GMDS: variants seen among roughly 807,000 people sequenced by gnomAD.
GMDS encodes GDP-mannose 4,6-dehydratase.
A neutral mutation model predicts 49.9 loss-of-function variants in GMDS; 20 were observed. The observed-to-expected ratio is 0.40, with a 90% CI of 0.28 to 0.58. The LOEUF is 0.58. GMDS is among the 20% of genes least tolerant of loss of function. The probability of loss-of-function intolerance (pLI) is 0.42; values close to 1 mark genes in which losing one functional copy is unlikely to be tolerated. For missense variants in GMDS, 362 were observed against 481.4 expected (o/e 0.75, Z 2.32); for synonymous variants, 177 against 178.6 (o/e 0.99, Z 0.07).
chr6:2,213,209 G>A (rs1780154165), intron 1 of GMDS, among the ~76,000 whole-genome samples: 1 of 152,178 alleles, frequency 6.6e-6, no homozygotes, highest in South Asian at 2.1e-4. Context: ...TTTTTAGACT[G>A]TCCTGACTCA....
At chr6:1,789,122 T>A (rs1433325576) in intron 7 of GMDS, among the ~76,000 whole-genome samples, 3 of 152,228 alleles carry the variant, frequency 2.0e-5, no homozygotes, top group Non-Finnish European at 4.4e-5. Context: ...ACCAGCCAAA[T>A]GAAGGGACAG....
chr6:1,951,498 G>A (rs948232887), intron 6 of GMDS, among the ~76,000 whole-genome samples: 16 of 152,098 alleles, frequency 1.1e-4, no homozygotes, highest in African/African-American at 1.4e-4. Context: ...AATCTCACAC[G>A]GTTAATTATG....
chr6:2,036,196 C>T (rs1407774451), intron 4 of GMDS, among the ~76,000 whole-genome samples: 2 of 152,080 alleles, frequency 1.3e-5, no homozygotes, highest in African/African-American at 2.4e-5. Flanking sequence ...TGAAGGAAAT[C>T]GGGAGACTTA....
chr6:1,861,795 C>T (rs1327597459), intron 7 of GMDS, among the ~76,000 whole-genome samples: 2 of 152,104 alleles, frequency 1.3e-5, no homozygotes, highest in Non-Finnish European at 2.9e-5. Flanking sequence ...CTTTAGTCCC[C>T]AGTCACAGGT....
intron 8 of GMDS, among the ~76,000 whole-genome samples, chr6:1,737,642 TACATAC>T (rs1767057967): frequency 8.5e-6 from 1 of 117,368 alleles, no homozygotes; most frequent in Non-Finnish European, 1.7e-5. Context: ...CACGCACACA[TACATAC>T]ACATACACAC....
At chr6:1,717,586 G>C (rs957424466) in intron 9 of GMDS, 2 of 152,128 alleles carry the variant, frequency 1.3e-5, no homozygotes, top group African/African-American at 4.8e-5. Context: ...CTACCCCTGG[G>C]TCAAGAAGCA....
intron 7 of GMDS, among the ~76,000 whole-genome samples, chr6:1,910,407 C>G (rs1477254411): frequency 2.0e-5 from 3 of 151,882 alleles, no homozygotes; most frequent in Non-Finnish European, 4.4e-5. Flanking sequence ...ATCTGTGTCA[C>G]AGAACACTAC....
chr6:2,136,492 C>A (rs1581698437), intron 1 of GMDS, among the ~76,000 whole-genome samples: 1 of 152,220 alleles, frequency 6.6e-6, no homozygotes, highest in South Asian at 2.1e-4. Context: ...CAAACCAAAG[C>A]CAAAGTATGG....
intron 4 of GMDS, among the ~76,000 whole-genome samples, chr6:2,023,576 A>G (rs1438699445): frequency 6.6e-6 from 1 of 152,228 alleles, no homozygotes; most frequent in African/African-American, 2.4e-5. Context: ...CACAGAATAC[A>G]AAAGACTCTC....
chr6:1,895,286 T>C (rs779635339), intron 7 of GMDS, among the ~76,000 whole-genome samples: 1 of 152,210 alleles, frequency 6.6e-6, no homozygotes, highest in Non-Finnish European at 1.5e-5. Context: ...CTTGGAAAGA[T>C]GAACCGTTTC....
intron 7 of GMDS, among the ~76,000 whole-genome samples, chr6:1,767,388 G>A (rs1474011927): frequency 2.0e-5 from 3 of 152,140 alleles, no homozygotes; most frequent in Admixed American, 6.5e-5. Context: ...TAAATTTTGG[G>A]TTAAAAGGAA....
chr6:1,800,519 C>T (rs899170885), intron 7 of GMDS, among the ~76,000 whole-genome samples: 6 of 152,140 alleles, frequency 3.9e-5, no homozygotes, highest in African/African-American at 1.4e-4. Flanking sequence ...TCACTGCAAC[C>T]TCCGCCTCCT....
chr6:1,792,154 T>C (rs1200411228), intron 7 of GMDS, among the ~76,000 whole-genome samples: 1 of 152,202 alleles, frequency 6.6e-6, no homozygotes, highest in Non-Finnish European at 1.5e-5. Flanking sequence ...TCTATATAAA[T>C]ATTATTTTCT....
rs1762770435 is a variant in GMDS, at chr6:1,624,094, A to AT, written c.*74dup. The stretch of plus-strand genomic sequence containing the variant: ...CCCGCAGATTGGCACGCCGCTCCCC[A>AT]TCCCCGCAGCGCGTCTGCACCGGAG... On this transcript the variant is annotated 3_prime_UTR_variant, in exon 11 of 11. Coordinates refer to ENST00000380815, the MANE Select transcript of GMDS (RefSeq NM_001500.4). 7.4e-7 allele frequency: 1 copy of AT among 1,357,944 alleles called. No homozygotes were observed. Among genetic ancestry groups the AT allele is most frequent in the African/African-American group, 1.4e-5 (1 of 70,166 alleles). The allele number at this position is 1,357,944 out of a possible 1,614,324, so 84.1% of individuals were successfully genotyped here. A position where few individuals can be genotyped will look rare whatever the true frequency, so the allele number is the denominator to read the frequency against.
chr6:1,844,985 C>T (rs2113753992), intron 7 of GMDS, among the ~76,000 whole-genome samples: 1 of 152,314 alleles, frequency 6.6e-6, no homozygotes, highest in East Asian at 1.9e-4. Context: ...TTAGGTTTTA[C>T]TGTACCAGTC....
At chr6:1,684,996 A>C (rs1343604676) in intron 9 of GMDS, among the ~76,000 whole-genome samples, 3 of 148,636 alleles carry the variant, frequency 2.0e-5, no homozygotes, top group Non-Finnish European at 3.0e-5. Context: ...TATGACACAA[A>C]ACTGCTCCCT....
intron 7 of GMDS, among the ~76,000 whole-genome samples, chr6:1,873,313 C>T (rs555940763): frequency 8.0e-4 from 122 of 152,304 alleles, no homozygotes; most frequent in African/African-American, 2.9e-3. Flanking sequence ...CACCGCTTCT[C>T]CTTCAGAAAA....
chr6:1,944,995 C>T lies in GMDS; in HGVS notation c.644-14765G>A, dbSNP rs72841982. 1.4e-3 allele frequency among the ~76,000 whole-genome samples: 209 copies of T among 152,196 alleles called. 1 individual carries two copies. Among genetic ancestry groups the T allele is most frequent in the Middle Eastern group, 6.8e-3 (2 of 294 alleles). On this transcript the variant is annotated intron_variant, in intron 6 of 10. Coordinates refer to ENST00000380815, the MANE Select transcript of GMDS (RefSeq NM_001500.4). ...CACCCAAGGAAAATAAGTAACATTG[C>T]CTCCTCTGTAATAACTATTGCTAAT...
In GMDS at chr6:1,824,586, T is replaced by C. The variant is rs570989256; in HGVS notation, c.772-82000A>G. On this transcript the variant is annotated intron_variant, in intron 7 of 10. Transcript: ENST00000380815. ...TTGGTCTCTCCCATGAAGTTTTCAG[T>C]AGGGCAGAGTGTAAGCATGTGGGTA... 9.9e-5 allele frequency among the ~76,000 whole-genome samples: 15 copies of C among 152,206 alleles called. 1 individual carries two copies. In the South Asian group the frequency reaches 2.3e-3, roughly 23 times the overall value.
Sources: gnomAD v4.1 joint callset for allele counts (sites outside exome capture counted in the v4.1 genomes callset) on GRCh38, gnomAD v4.1.1 for gene constraint, MANE v1.5 for transcripts, NCBI Gene and HGNC (gene_info 2026-07-23, HGNC 2026-07-21) for gene names.